Variants in RXFP1 observed in about 807,000 individuals in gnomAD.
RXFP1 encodes relaxin receptor 1.
In RXFP1, 73 loss-of-function variants were observed where a neutral mutation model predicts 89.8. The ratio of observed to expected loss-of-function variants is 0.81; its 90% CI spans 0.67 to 0.99. The LOEUF (loss-of-function observed/expected upper bound fraction) is 0.99. RXFP1 is among the 50% of genes least tolerant of loss of function. The pLI, the probability that RXFP1 is intolerant of heterozygous loss-of-function variation, is 0.00. For missense variants in RXFP1, 793 were observed against 895.5 expected, an observed-to-expected ratio of 0.89 and a Z score of 1.46; for synonymous variants, 277 against 305.5, an observed-to-expected ratio of 0.91 and a Z score of 0.97.
intron 8 of RXFP1, among the ~76,000 whole-genome samples, chr4:158,613,871 C>A (rs1764016347): frequency 6.6e-6 from 1 of 152,196 alleles, no homozygotes; most frequent in Admixed American, 6.5e-5. Flanking sequence ...CTATCTGTGG[C>A]ATCAGTAGCC....
chr4:158,552,987 C>T (rs1009553032), intron 1 of RXFP1, among the ~76,000 whole-genome samples: 1 of 152,068 alleles, frequency 6.6e-6, no homozygotes, highest in Admixed American at 6.6e-5. Flanking sequence ...GAGTTTGAGA[C>T]CAGCCTAGAC....
intron 2 of RXFP1, among the ~76,000 whole-genome samples, chr4:158,580,001 C>T (rs1023399425): frequency 3.3e-5 from 5 of 152,110 alleles, no homozygotes; most frequent in Non-Finnish European, 7.3e-5. Context: ...GCAGGGCATA[C>T]CATACAGGGC....
chr4:158,534,367 C>T (rs1415259185), intron 1 of RXFP1, among the ~76,000 whole-genome samples: 3 of 151,856 alleles, frequency 2.0e-5, no homozygotes, highest in African/African-American at 7.3e-5. Flanking sequence ...GCTGCCTCAG[C>T]CTCCCGAGTA....
At chr4:158,588,552 A>G (rs1401995605) in intron 2 of RXFP1, among the ~76,000 whole-genome samples, 1 of 152,120 alleles carries the variant, frequency 6.6e-6, no homozygotes, top group Non-Finnish European at 1.5e-5. Context: ...AGTACCTGAA[A>G]TCCCCTTCCA....
chr4:158,588,528 C>G (rs1758747017), intron 2 of RXFP1, among the ~76,000 whole-genome samples: 1 of 152,168 alleles, frequency 6.6e-6, no homozygotes, highest in Non-Finnish European at 1.5e-5. Context: ...TCTCTTGACA[C>G]CCACAAGGCT....
intron 1 of RXFP1, among the ~76,000 whole-genome samples, chr4:158,561,220 T>C (rs2149938752): frequency 6.6e-6 from 1 of 152,356 alleles, no homozygotes; most frequent in Non-Finnish European, 1.5e-5. Context: ...TTAAACAGCA[T>C]CTTAAATGTA....
intron 14 of RXFP1, among the ~76,000 whole-genome samples, chr4:158,643,434 A>G (rs1388972194): frequency 1.4e-5 from 2 of 145,932 alleles, no homozygotes; most frequent in Non-Finnish European, 3.0e-5. Flanking sequence ...CTTTGAATAG[A>G]TTCTCAGGAA....
At chr4:158,636,078 GAAATT>G (rs1769097672) in intron 12 of RXFP1, among the ~76,000 whole-genome samples, 1 of 151,964 alleles carries the variant, frequency 6.6e-6, no homozygotes, top group South Asian at 2.1e-4. Flanking sequence ...CAAAGATTCT[GAAATT>G]TTCTCCATTT....
At chr4:158,542,105 A>ATTTTT (rs1239980342) in intron 1 of RXFP1, among the ~76,000 whole-genome samples, 24 of 25,102 alleles carry the variant, frequency 9.6e-4, no homozygotes, top group South Asian at 5.3e-3. Context: ...ATATATATAT[A>ATTTTT]TATATTTTTT....
chr4:158,534,924 A>G (rs955916317), intron 1 of RXFP1, among the ~76,000 whole-genome samples: 1 of 147,802 alleles, frequency 6.8e-6, no homozygotes, highest in Non-Finnish European at 1.5e-5. Flanking sequence ...AAAATAATTT[A>G]TATTGTTATA....
chr4:158,591,812 A>T (rs149986987), intron 2 of RXFP1, among the ~76,000 whole-genome samples: 278 of 152,290 alleles, frequency 1.8e-3, no homozygotes, highest in African/African-American at 6.3e-3. Flanking sequence ...ACTAACTTAC[A>T]GAAATAGGAC....
At chr4:158,544,701 G>C (rs1307061604) in intron 1 of RXFP1, among the ~76,000 whole-genome samples, 2 of 151,770 alleles carry the variant, frequency 1.3e-5, no homozygotes. Context: ...TGAGGTGTTT[G>C]GTTTTTTGTC....
At chr4:158,597,586 T>G (rs1359126943) in intron 3 of RXFP1, among the ~76,000 whole-genome samples, 1 of 152,230 alleles carries the variant, frequency 6.6e-6, no homozygotes, top group East Asian at 1.9e-4. Flanking sequence ...ATTTTGTAAG[T>G]GACATAATTT....
chr4:158,548,832 A>G (rs1028489983), intron 1 of RXFP1, among the ~76,000 whole-genome samples: 1 of 152,200 alleles, frequency 6.6e-6, no homozygotes, highest in Non-Finnish European at 1.5e-5. Context: ...TGTTAGTCTC[A>G]TGAGCTTCCC....
At chr4:158,578,478 A>G (rs778727180) in intron 2 of RXFP1, among the ~76,000 whole-genome samples, 6 of 152,248 alleles carry the variant, frequency 3.9e-5, no homozygotes, top group Non-Finnish European at 7.3e-5. Flanking sequence ...TTTAGGAATC[A>G]TCTGTGTTCA....
chr4:158,631,256 A>G (rs1767970372), intron 11 of RXFP1, among the ~76,000 whole-genome samples: 1 of 152,248 alleles, frequency 6.6e-6, no homozygotes, highest in South Asian at 2.1e-4. Flanking sequence ...ATCCATTTGC[A>G]CATTGCTTTA....
At chr4:158,523,959 C>G (rs920564700) in intron 1 of RXFP1, among the ~76,000 whole-genome samples, 1 of 152,174 alleles carries the variant, frequency 6.6e-6, no homozygotes. Context: ...GATGTGATAT[C>G]ATGGAAGACA....
chr4:158,607,972 G>A lies in RXFP1; in HGVS notation c.465G>A (p.Leu155=), dbSNP rs758452069. The change falls in exon 6 of 18, where the codon CTG becomes CTA. Residue 155 remains leucine, a splice_region_variant and synonymous_variant. Coordinates refer to ENST00000307765, the MANE Select transcript of RXFP1 (RefSeq NM_021634.4). ...TTCTTTTTAATAATCATTTTCACAG[G>A]TACCTGCAAAACAATAAGATTACAT... ...CFKNYHDLQK[L]YLQNNKITSI... The A allele has an allele frequency of 1.3e-5, 21 of 1,591,232 alleles. No individual in the cohort carries two copies. Among genetic ancestry groups the A allele is most frequent in the Non-Finnish European group, 1.6e-5 (19 of 1,167,280 alleles).
intron 5 of RXFP1, 22 bp from the exon 6 acceptor site, chr4:158,607,950 T>C (rs899198509): frequency 7.2e-6 from 11 of 1,529,984 alleles, no homozygotes; most frequent in African/African-American, 1.4e-5. Flanking sequence ...TTTTTTTTTC[T>C]TTTTAATAAT....
Sources: allele counts gnomAD v4.1 joint callset (sites outside exome capture counted in the v4.1 genomes callset), GRCh38; gene constraint gnomAD v4.1.1; transcripts MANE v1.5; gene names NCBI Gene and HGNC (gene_info 2026-07-23, HGNC 2026-07-21).